Variants in LBHD1 observed in about 807,000 individuals in gnomAD.
LBHD1 encodes the protein LBH domain-containing protein 1.
A neutral mutation model predicts 31.1 loss-of-function variants in LBHD1; 28 were observed. The ratio of observed to expected loss-of-function variants is 0.90; its 90% confidence interval spans 0.67 to 1.24. The LOEUF is 1.24. Among genes scored for constraint, LBHD1 ranks in the 50% most tolerant of loss-of-function variants. LBHD1 has a pLI of 0.00. For missense variants in LBHD1, 350 were observed against 323.0 expected, an observed-to-expected ratio of 1.08 and a Z score of -0.64; for synonymous variants, 105 against 116.5, an observed-to-expected ratio of 0.90 and a Z score of 0.63.
At position 62,671,706 on chromosome 11, in the gene LBHD1, G is replaced by A. The variant is rs749994924; in HGVS notation, c.-153C>T. ...CGCGCGGCAACAGCTTGCGGCTGCG[G>A]GGAGCTCCCGTGGGCGCTCCGCTGG... On this transcript the variant is annotated 5_prime_UTR_variant, in exon 1 of 7. Coordinates refer to ENST00000354588, the MANE Select transcript of LBHD1 (RefSeq NM_024099.5). 3 of 1,606,834 alleles carry A rather than the reference G, an allele frequency of 1.9e-6. No individual in the cohort carries two copies. In the East Asian group the frequency reaches 6.7e-5, roughly 36 times the overall value.
chr11:62,669,082 G>A (rs1037126748), intron 3 of LBHD1, among the ~76,000 whole-genome samples: 5 of 150,648 alleles, frequency 3.3e-5, no homozygotes, highest in South Asian at 2.2e-4. Context: ...CACCACGCCC[G>A]GCTAATTTTT....
intron 5 of LBHD1, among the ~76,000 whole-genome samples, chr11:62,664,326 CTTT>C (rs35917869): frequency 1.7e-4 from 13 of 77,438 alleles, no homozygotes; most frequent in Non-Finnish European, 2.1e-4. Flanking sequence ...TCCTGATATT[CTTT>C]TTTTTTTTTT....
rs1227814902 is a variant in LBHD1 at position 62,671,776 on chromosome 11, G to T, written c.-223C>A. ...TTCCTTGCGGAAAATGCTGATCTCAGTCGCAATGCTGGGCGCAGGGGCTGG... is the reference window on the plus strand; with the variant it reads ...TTCCTTGCGGAAAATGCTGATCTCATTCGCAATGCTGGGCGCAGGGGCTGG... On this transcript the variant is annotated 5_prime_UTR_variant, in exon 1 of 7. It adds an upstream start codon to the 5' untranslated region. Transcript: ENST00000354588. 2 of 1,613,988 alleles carry T rather than the reference G, an allele frequency of 1.2e-6. No individual in the cohort carries two copies. The highest frequency in any genetic ancestry group is 1.3e-5 in the African/African-American group (1 of 74,942).
chr11:62,667,738 C>G lies in LBHD1; in HGVS notation c.323G>C (p.Trp108Ser). Reference sequence around the variant, plus strand: ...AGGACTTCTAGGGTCCTGTGGGCTCCAAGCCCAGCCTGGGATGGAGGAAGA... The same window carrying G: ...AGGACTTCTAGGGTCCTGTGGGCTCGAAGCCCAGCCTGGGATGGAGGAAGA... ...QDQSEEPGWA[W>S]SPQDPRSPLR... The change falls in exon 4 of 7, where the codon TGG (tryptophan) becomes TCG (serine). Residue 108 changes from tryptophan to serine, a missense_variant. Transcript: ENST00000354588. The G allele has an allele frequency of 2.5e-6, 4 of 1,602,396 alleles. No individual in the cohort carries two copies. Among genetic ancestry groups the G allele is most frequent in the Non-Finnish European group, 3.4e-6 (4 of 1,170,360 alleles).
intron 4 of LBHD1, chr11:62,666,474 C>T: frequency 6.2e-7 from 1 of 1,613,914 alleles, no homozygotes; most frequent in Non-Finnish European, 8.5e-7. Flanking sequence ...GGCACTGTCC[C>T]CACCTTCGAC....
At chr11:62,671,375 C>G in intron 1 of LBHD1, 189 bp downstream of exon 1, 1 of 1,287,808 alleles carries the variant, frequency 7.8e-7, no homozygotes, top group South Asian at 1.2e-5. Flanking sequence ...AACCACAGAG[C>G]ACAGCTCGGG....
chr11:62,667,975 G>A (rs1304366806), intron 3 of LBHD1: 2 of 464,114 alleles, frequency 4.3e-6, no homozygotes, highest in Non-Finnish European at 7.8e-6. Flanking sequence ...GGCTGAGCTG[G>A]GAGGACTGCT....
intron 4 of LBHD1, chr11:62,666,233 G>C (rs766875189): frequency 2.5e-6 from 2 of 791,740 alleles, no homozygotes; most frequent in Non-Finnish European, 4.2e-6. Context: ...CTACTCAGGA[G>C]GCTGAGGTGG....
chr11:62,665,756 A>G (rs1944789982), intron 4 of LBHD1: 1 of 1,501,166 alleles, frequency 6.7e-7, no homozygotes, highest in East Asian at 2.4e-5. Context: ...AGTTCGGGGA[A>G]GCTGTACGCC....
At chr11:62,671,355 G>A (rs1339686393) in intron 1 of LBHD1, 1 of 1,239,380 alleles carries the variant, frequency 8.1e-7, no homozygotes. Flanking sequence ...ACGCGCGGGT[G>A]ACTGCAGGAA....
intron 1 of LBHD1, 177 bp from the exon 2 acceptor site, chr11:62,670,218 C>T (rs1389294259): frequency 3.0e-6 from 2 of 666,302 alleles, no homozygotes; most frequent in Non-Finnish European, 4.9e-6. Flanking sequence ...TTTATTTCTA[C>T]TTACTCCCTG....
Position 62,663,349 on chromosome 11 carries a change from A to G in LBHD1, c.664-16T>C, listed in dbSNP as rs751868689. The G allele has an allele frequency of 1.2e-6, 2 of 1,611,514 alleles. No homozygotes were observed. Among genetic ancestry groups the G allele is most frequent in the Admixed American group, 1.7e-5 (1 of 59,688 alleles). On this transcript the variant is annotated splice_polypyrimidine_tract_variant and intron_variant, in intron 5 of 6. Transcript: ENST00000354588. Reference sequence around the variant, plus strand: ...TGCACTGGACCTGATGGGTAAGTGGAAATAAAGAGAGCTAGGTTAACCTGA... The same window carrying G: ...TGCACTGGACCTGATGGGTAAGTGGGAATAAAGAGAGCTAGGTTAACCTGA...
rs759717751 is a variant in LBHD1 at position 62,666,978 on chromosome 11, C to G, written c.538+545G>C. ...CTGGAACAAGGGTCCTATGGCTGGA[C>G]TGTGACTGTGCAGGAGCTAGGCCCG... On this transcript the variant is annotated intron_variant, in intron 4 of 6. Transcript: ENST00000354588. 1.2e-6 allele frequency: 2 copies of G among 1,614,032 alleles called. No homozygotes were observed. The highest frequency in any genetic ancestry group is 1.3e-5 in the African/African-American group (1 of 74,940).
chr11:62,665,256 C>T, intron 4 of LBHD1: 2 of 752,586 alleles, frequency 2.7e-6, no homozygotes, highest in Admixed American at 2.1e-5. Flanking sequence ...GCGGGCCAAT[C>T]GCAACTCGGG....
intron 4 of LBHD1, chr11:62,666,454 G>C (rs749424508): frequency 4.5e-5 from 72 of 1,613,226 alleles, no homozygotes; most frequent in Non-Finnish European, 5.8e-5. Context: ...TGCATGCCCA[G>C]CCTCGTTTGG....
intron 1 of LBHD1, 139 bp from the exon 2 acceptor site, chr11:62,670,180 GA>G: frequency 7.1e-6 from 6 of 839,482 alleles, no homozygotes; most frequent in Non-Finnish European, 7.2e-6. Context: ...CAGGGGAGGG[GA>G]AAATGCCCAA....
rs775269609 is a variant in LBHD1 at position 62,663,098 on chromosome 11, T to G, written c.*31A>C. 12 of 1,613,450 alleles carry G rather than the reference T, an allele frequency of 7.4e-6. No homozygotes were observed. Among genetic ancestry groups the G allele is most frequent in the Admixed American group, 1.7e-5 (1 of 59,996 alleles). On this transcript the variant is annotated 3_prime_UTR_variant, in exon 7 of 7. Coordinates refer to ENST00000354588, the MANE Select transcript of LBHD1 (RefSeq NM_024099.5). The stretch of plus-strand genomic sequence containing the variant: ...TCATTTCTACATCCTGGGGGGCTTT[T>G]GTCTTCTTTTGCCTTTTGAGCTGTG...
At chr11:62,665,776 T>C in intron 4 of LBHD1, 2 of 1,536,212 alleles carry the variant, frequency 1.3e-6, no homozygotes, top group Middle Eastern at 1.7e-4. Flanking sequence ...CGCCTTTCGC[T>C]ACGCGGAATT....
intron 5 of LBHD1, among the ~76,000 whole-genome samples, chr11:62,664,082 GAAAAAAA>G (rs71056540): frequency 9.1e-5 from 6 of 65,940 alleles, no homozygotes; most frequent in South Asian, 6.4e-4. Flanking sequence ...CAAAAAAGAG[GAAAAAAA>G]AAAAAAAAAA....
Sources: gnomAD v4.1 joint callset for allele counts (sites outside exome capture counted in the v4.1 genomes callset) on GRCh38, gnomAD v4.1.1 for gene constraint, MANE v1.5 for transcripts, NCBI Gene and HGNC (gene_info 2026-07-23, HGNC 2026-07-21) for gene names.